The following ATP6V1H variants were observed in gnomAD, a reference collection of about 807,000 sequenced individuals.
ATP6V1H encodes ATPase H+ transporting V1 subunit H.
Under a neutral mutation model 71.7 loss-of-function variants are expected in ATP6V1H, and 39 were observed. The ratio of observed to expected loss-of-function variants is 0.54; its 90% CI spans 0.42 to 0.71. The LOEUF is 0.71. Among genes scored for constraint, ATP6V1H ranks in the 30% least tolerant of loss-of-function variants. ATP6V1H has a pLI of 0.00. For synonymous variants in ATP6V1H, 192 were observed against 199.3 expected (o/e 0.96, Z 0.31); for missense variants, 509 against 594.9 (o/e 0.86, Z 1.50).
At chr8:53,763,845 T>C (rs891825704) in intron 11 of ATP6V1H, among the ~76,000 whole-genome samples, 1 of 152,222 alleles carries the variant, frequency 6.6e-6, no homozygotes, top group Non-Finnish European at 1.5e-5. Context: ...GAAACTGCTG[T>C]TGGATCTATC....
At chr8:53,784,114 T>C (rs1809275957) in intron 9 of ATP6V1H, among the ~76,000 whole-genome samples, 1 of 152,172 alleles carries the variant, frequency 6.6e-6, no homozygotes, top group South Asian at 2.1e-4. Context: ...TTCTGTCTAG[T>C]AGATCTGTCT....
At chr8:53,739,482 C>A (rs1807341049) in intron 13 of ATP6V1H, 1 of 152,148 alleles carries the variant, frequency 6.6e-6, no homozygotes, top group South Asian at 2.1e-4. Context: ...ACTTATTATG[C>A]TGCTTAAGAA....
intron 3 of ATP6V1H, among the ~76,000 whole-genome samples, chr8:53,830,684 C>CTA (rs1427568236): frequency 6.6e-6 from 1 of 151,978 alleles, no homozygotes; most frequent in Non-Finnish European, 1.5e-5. Context: ...CCAGACACTG[C>CTA]TATTAAGAAA....
intron 11 of ATP6V1H, among the ~76,000 whole-genome samples, chr8:53,759,538 C>T (rs562215824): frequency 1.3e-5 from 2 of 152,334 alleles, no homozygotes; most frequent in East Asian, 3.9e-4. Context: ...CACACCACAG[C>T]TCTGTAGTTA....
chr8:53,747,922 T>C (rs1188890976), intron 12 of ATP6V1H, among the ~76,000 whole-genome samples: 1 of 150,854 alleles, frequency 6.6e-6, no homozygotes, highest in African/African-American at 2.4e-5. Context: ...TCCTAGCACT[T>C]TGGGAGGCCA....
chr8:53,799,820 G>A (rs962635058), intron 8 of ATP6V1H, among the ~76,000 whole-genome samples: 4 of 152,152 alleles, frequency 2.6e-5, no homozygotes, highest in Non-Finnish European at 5.9e-5. Flanking sequence ...TCTGCCATCT[G>A]AGTTTACAGT....
At chr8:53,772,354 ACTT>A (rs1808693460) in intron 9 of ATP6V1H, among the ~76,000 whole-genome samples, 187 bp from the exon 10 acceptor site, 1 of 152,106 alleles carries the variant, frequency 6.6e-6, no homozygotes, top group Non-Finnish European at 1.5e-5. Context: ...TCAGAAGCCT[ACTT>A]CTGATCATTT....
chr8:53,724,445 G>A (rs1806734144), intron 13 of ATP6V1H, among the ~76,000 whole-genome samples: 1 of 151,936 alleles, frequency 6.6e-6, no homozygotes, highest in African/African-American at 2.4e-5. Flanking sequence ...GCCTATCAGA[G>A]GAAAGATTTC....
intron 9 of ATP6V1H, among the ~76,000 whole-genome samples, chr8:53,782,468 A>G (rs959109239): frequency 1.3e-5 from 2 of 151,874 alleles, no homozygotes; most frequent in African/African-American, 2.4e-5. Flanking sequence ...TTCTAGATAT[A>G]CAATCATGTC....
At chr8:53,734,119 G>T (rs977974531) in intron 13 of ATP6V1H, among the ~76,000 whole-genome samples, 3 of 152,196 alleles carry the variant, frequency 2.0e-5, no homozygotes, top group Non-Finnish European at 4.4e-5. Context: ...GAATACCAAA[G>T]GACATCATTG....
At chr8:53,839,924 G>A (rs928247890) in intron 2 of ATP6V1H, 17 of 985,498 alleles carry the variant, frequency 1.7e-5, no homozygotes, top group Non-Finnish European at 2.0e-5. Context: ...CTTCACGATC[G>A]GCCCCTGGCT....
At chr8:53,746,122 A>G (rs1336071574) in intron 12 of ATP6V1H, among the ~76,000 whole-genome samples, 1 of 152,208 alleles carries the variant, frequency 6.6e-6, no homozygotes, top group Non-Finnish European at 1.5e-5. Context: ...CTAAATGTTC[A>G]TATTTTTCAT....
chr8:53,732,533 T>G (rs1807058219), intron 13 of ATP6V1H, among the ~76,000 whole-genome samples: 1 of 152,004 alleles, frequency 6.6e-6, no homozygotes, highest in African/African-American at 2.4e-5. Context: ...CAATTGGCCA[T>G]GTATTTCAGG....
chr8:53,766,057 CCA>C (rs1288362251), intron 11 of ATP6V1H, among the ~76,000 whole-genome samples: 1 of 152,160 alleles, frequency 6.6e-6, no homozygotes, highest in East Asian at 1.9e-4. Flanking sequence ...TTGTCAAAAC[CCA>C]CAGAGCTATA....
At chr8:53,799,765 G>A (rs747513247) in intron 8 of ATP6V1H, among the ~76,000 whole-genome samples, 1 of 152,084 alleles carries the variant, frequency 6.6e-6, no homozygotes, top group Non-Finnish European at 1.5e-5. Context: ...TCATGAATGG[G>A]ATTAGTACCC....
chr8:53,760,249 G>C (rs929042889), intron 11 of ATP6V1H, among the ~76,000 whole-genome samples: 4 of 152,194 alleles, frequency 2.6e-5, no homozygotes, highest in African/African-American at 9.6e-5. Context: ...AGTTTAACCA[G>C]TATATGACCT....
intron 5 of ATP6V1H, among the ~76,000 whole-genome samples, chr8:53,817,172 A>G (rs1467071778): frequency 1.3e-5 from 2 of 152,086 alleles, no homozygotes; most frequent in Non-Finnish European, 2.9e-5. Context: ...TCACAATTCT[A>G]TCTGTCAATT....
chr8:53,826,549 A>T (rs1358166171), intron 4 of ATP6V1H, among the ~76,000 whole-genome samples: 1 of 152,186 alleles, frequency 6.6e-6, no homozygotes, highest in Non-Finnish European at 1.5e-5. Context: ...CAAGCAAAAA[A>T]TAAGAGATTA....
At chr8:53,723,239 G>A (rs1317786020) in intron 13 of ATP6V1H, among the ~76,000 whole-genome samples, 1 of 152,130 alleles carries the variant, frequency 6.6e-6, no homozygotes, top group Non-Finnish European at 1.5e-5. Context: ...ATAAACCTGG[G>A]AAGTTGTTGG....
Sources: allele counts gnomAD v4.1 joint callset (sites outside exome capture counted in the v4.1 genomes callset), GRCh38; gene constraint gnomAD v4.1.1; transcripts MANE v1.5; gene names NCBI Gene and HGNC (gene_info 2026-07-23, HGNC 2026-07-21).